Variants in SAMD12 observed in about 807,000 individuals in gnomAD.
The protein encoded by SAMD12 is sterile alpha motif domain containing 12.
In SAMD12, 9 loss-of-function variants were observed where a neutral mutation model predicts 15.0. That is an observed-to-expected ratio of 0.60 (90% CI 0.36 to 1.05). SAMD12 has a LOEUF of 1.05. Ranked by LOEUF, SAMD12 falls within the 50% of genes least tolerant of loss-of-function variation. The pLI is 0.01. For missense variants in SAMD12, 230 were observed against 234.2 expected, an observed-to-expected ratio of 0.98 and a Z score of 0.12; for synonymous variants, 86 against 90.1, an observed-to-expected ratio of 0.96 and a Z score of 0.25.
At chr8:118,505,746 C>T (rs569246227) in intron 2 of SAMD12, among the ~76,000 whole-genome samples, 37 of 151,728 alleles carry the variant, frequency 2.4e-4, no homozygotes, top group South Asian at 1.7e-3. Flanking sequence ...TAACTATACC[C>T]GATGTAATTC....
At chr8:118,261,356 A>T (rs1217036933) in intron 4 of SAMD12, among the ~76,000 whole-genome samples, 1 of 152,094 alleles carries the variant, frequency 6.6e-6, no homozygotes, top group African/African-American at 2.4e-5. Flanking sequence ...AAAGCATGAA[A>T]TTTCTGTCCT....
At chr8:118,460,828 G>A (rs1823395666) in intron 2 of SAMD12, among the ~76,000 whole-genome samples, 1 of 152,156 alleles carries the variant, frequency 6.6e-6, no homozygotes, top group Non-Finnish European at 1.5e-5. Flanking sequence ...GCTTGGCTGG[G>A]TACTGGTGAT....
downstream of SAMD12, among the ~76,000 whole-genome samples, chr8:118,185,896 G>T (rs1016393907): frequency 3.3e-5 from 5 of 152,256 alleles, no homozygotes; most frequent in East Asian, 3.9e-4. Context: ...CTCTCAGGGG[G>T]TCCATCTGTG....
chr8:118,460,447 A>G (rs75708374), intron 2 of SAMD12, among the ~76,000 whole-genome samples: 2,761 of 152,230 alleles, frequency 0.018, 89 homozygotes, highest in African/African-American at 0.063. Context: ...ACATAATTTT[A>G]GGTAAGAGGA....
intron 3 of SAMD12, among the ~76,000 whole-genome samples, chr8:118,392,687 G>A (rs950314606): frequency 6.6e-6 from 1 of 152,134 alleles, no homozygotes; most frequent in African/African-American, 2.4e-5. Flanking sequence ...AACATGATAC[G>A]CAAATAGACA....
At chr8:118,142,847 G>A in the SAMD12 span, among the ~76,000 whole-genome samples, 58 of 152,250 alleles carry the variant, frequency 3.8e-4, no homozygotes, top group East Asian at 4.4e-3. Context: ...AGCTAATGGC[G>A]GTGAGGAAGA....
intron 1 of SAMD12, chr8:118,621,519 T>A (rs1334725941): frequency 2.1e-6 from 1 of 485,368 alleles, no homozygotes; most frequent in East Asian, 3.3e-5. Flanking sequence ...TCCTCCGGCT[T>A]TCCCCCCATT....
At chr8:118,181,184 G>C in the SAMD12 span, among the ~76,000 whole-genome samples, 2 of 152,132 alleles carry the variant, frequency 1.3e-5, no homozygotes, top group Admixed American at 1.3e-4. Flanking sequence ...ACCACGTTCA[G>C]TTAAACTATT....
chr8:118,445,261 G>A (rs908929118), intron 2 of SAMD12, among the ~76,000 whole-genome samples: 3 of 152,156 alleles, frequency 2.0e-5, no homozygotes, highest in African/African-American at 7.2e-5. Flanking sequence ...AGGAAAAATG[G>A]TTAGCTCATA....
intron 2 of SAMD12, among the ~76,000 whole-genome samples, chr8:118,549,852 A>G (rs1428095448): frequency 6.6e-6 from 1 of 152,248 alleles, no homozygotes; most frequent in Non-Finnish European, 1.5e-5. Flanking sequence ...TGGAGCTGAA[A>G]GCCAAGGCTC....
chr8:118,468,829 G>T (rs754571562), intron 2 of SAMD12, among the ~76,000 whole-genome samples: 3 of 152,182 alleles, frequency 2.0e-5, no homozygotes, highest in Non-Finnish European at 4.4e-5. Flanking sequence ...GGTACAAAAA[G>T]CAATTGCCAA....
intron 4 of SAMD12, among the ~76,000 whole-genome samples, chr8:118,248,442 A>C (rs1236704796): frequency 6.6e-6 from 1 of 152,060 alleles, no homozygotes; most frequent in Non-Finnish European, 1.5e-5. Flanking sequence ...GTCAACACTG[A>C]TGGATTGGAG....
Position 118,379,188 on chromosome 8 carries a change from C to A in SAMD12, c.*229G>T, listed in dbSNP as rs1471822822. The A allele has an allele frequency of 3.2e-5, 42 of 1,301,760 alleles. No individual in the cohort carries two copies. Among genetic ancestry groups the A allele is most frequent in the Non-Finnish European group, 4.1e-5 (42 of 1,024,158 alleles). The allele number at this position is 1,301,760 out of a possible 1,614,324, so 80.6% of individuals were successfully genotyped here. A position where few individuals can be genotyped will look rare whatever the true frequency, so the allele number is the denominator to read the frequency against. ...CAATTGGCGCAGGTGAAGATAGCTA[C>A]AGCTGGACTGTACAGTTGTGCAGGC... On this transcript the variant is annotated 3_prime_UTR_variant, in exon 4 of 4. Transcript: ENST00000314727.
At chr8:118,173,633 C>CTTT in the SAMD12 span, among the ~76,000 whole-genome samples, 4 of 139,356 alleles carry the variant, frequency 2.9e-5, no homozygotes, top group South Asian at 2.2e-4. Flanking sequence ...ATATCCATAA[C>CTTT]TTTTTTTTTT....
chr8:118,228,653 A>G (rs1029609074), intron 4 of SAMD12, among the ~76,000 whole-genome samples: 14 of 152,144 alleles, frequency 9.2e-5, no homozygotes, highest in Admixed American at 8.5e-4. Context: ...GTTGGCTTGG[A>G]TGCAGTGATC....
intron 4 of SAMD12, among the ~76,000 whole-genome samples, chr8:118,273,150 G>T (rs1157538177): frequency 1.3e-5 from 2 of 152,156 alleles, no homozygotes; most frequent in Non-Finnish European, 2.9e-5. Context: ...TCAGCATGCT[G>T]GGGAGACCTC....
rs375383874 is a variant in SAMD12, at chr8:118,207,687, TTTC to T, written c.434-9958_434-9956del. Reference sequence around the variant, plus strand: ...CAACTGTATGAATAAGTGAAGTTCCTTTCTTCTTCTTCTTCTTTTTTTAAATTA... The same window carrying T: ...CAACTGTATGAATAAGTGAAGTTCCTTTCTTCTTCTTCTTTTTTTAAATTA... On this transcript the variant is annotated intron_variant, in intron 4 of 4. Transcript: ENST00000409003. 3.0e-3 allele frequency among the ~76,000 whole-genome samples: 456 copies of T among 152,284 alleles called. 1 individual carries two copies. Among genetic ancestry groups the T allele is most frequent in the Non-Finnish European group, 3.4e-3 (233 of 68,022 alleles).
At chr8:118,321,295 GTTTTTTT>G (rs1380612836) in intron 4 of SAMD12, among the ~76,000 whole-genome samples, 13,634 of 87,106 alleles carry the variant, frequency 0.16, 975 homozygotes, top group Non-Finnish European at 0.17. Context: ...TTTTTTTTTT[GTTTTTTT>G]TTTTTTTGGT....
intron 1 of SAMD12, among the ~76,000 whole-genome samples, chr8:118,620,344 C>T (rs1828361529): frequency 7.9e-6 from 1 of 126,412 alleles, no homozygotes. Flanking sequence ...AACTTTATCT[C>T]GGCTTTTGTT....
Sources: gnomAD v4.1 joint callset for allele counts (sites outside exome capture counted in the v4.1 genomes callset) on GRCh38, gnomAD v4.1.1 for gene constraint, MANE v1.5 for transcripts, NCBI Gene and HGNC (gene_info 2026-07-23, HGNC 2026-07-21) for gene names.